Variants in FGF10 observed in about 807,000 individuals in gnomAD.
The protein encoded by FGF10 is fibroblast growth factor 10, also known as FGF-10.
Under a neutral mutation model 19.8 loss-of-function variants are expected in FGF10, and 2 were observed. The observed-to-expected ratio is 0.10, with a 90% CI of 0.04 to 0.32. FGF10 has a LOEUF of 0.32. Among genes scored for constraint, FGF10 ranks in the 10% least tolerant of loss-of-function variants. FGF10 has a pLI of 1.00. For missense variants in FGF10, 191 were observed against 246.3 expected (o/e 0.78, Z 1.50); for synonymous variants, 112 against 94.0 (o/e 1.19, Z -1.10).
chr5:44,331,070 TA>T (rs1740725421), intron 1 of FGF10, among the ~76,000 whole-genome samples: 1 of 152,186 alleles, frequency 6.6e-6, no homozygotes, highest in South Asian at 2.1e-4. Flanking sequence ...AAGCTAATGG[TA>T]AAAGGAGAGA....
Position 44,375,565 on chromosome 5 carries a change from T to C in FGF10, c.325+12793A>G, listed in dbSNP as rs367569791. Among the ~76,000 whole-genome samples, 16 of 152,282 alleles carry C rather than the reference T, an allele frequency of 1.1e-4. No homozygotes were observed. In the South Asian group the frequency reaches 2.1e-3, roughly 20 times the overall value. The stretch of plus-strand genomic sequence containing the variant: ...TGGTAGGGAGTAAATCATGAGGGTC[T>C]TATATGACATGTGAAGGAATATAGA... On this transcript the variant is annotated intron_variant, in intron 1 of 2. Coordinates refer to ENST00000264664, the MANE Select transcript of FGF10 (RefSeq NM_004465.2).
chr5:44,342,567 G>A (rs951503539), intron 1 of FGF10, among the ~76,000 whole-genome samples: 4 of 151,222 alleles, frequency 2.6e-5, no homozygotes, highest in Admixed American at 2.0e-4. Context: ...TTTACTGATT[G>A]CCACGTATAG....
At chr5:44,309,252 C>T (rs969076270) in intron 2 of FGF10, among the ~76,000 whole-genome samples, 6 of 152,088 alleles carry the variant, frequency 3.9e-5, no homozygotes, top group African/African-American at 7.2e-5. Flanking sequence ...ATACACTCCC[C>T]TTCAGTAGAA....
At chr5:44,322,010 G>A (rs1224323187) in intron 1 of FGF10, among the ~76,000 whole-genome samples, 1 of 152,090 alleles carries the variant, frequency 6.6e-6, no homozygotes. Flanking sequence ...TGATCTGCCC[G>A]CCTTAGCCTC....
At chr5:44,325,059 T>C (rs1329165624) in intron 1 of FGF10, among the ~76,000 whole-genome samples, 1 of 152,130 alleles carries the variant, frequency 6.6e-6, no homozygotes, top group Non-Finnish European at 1.5e-5. Flanking sequence ...TCAAATTTAG[T>C]GTCATAATAA....
At chr5:44,360,112 C>T (rs78013137) in intron 1 of FGF10, among the ~76,000 whole-genome samples, 3,353 of 151,498 alleles carry the variant, frequency 0.022, 67 homozygotes, top group Middle Eastern at 0.082. Flanking sequence ...TGGTTCTTGA[C>T]GACAGATTAT....
intron 1 of FGF10, among the ~76,000 whole-genome samples, chr5:44,337,034 T>C (rs1740869715): frequency 6.6e-6 from 1 of 152,132 alleles, no homozygotes; most frequent in South Asian, 2.1e-4. Flanking sequence ...CTATCTTAAA[T>C]AAGATAGAGT....
intron 1 of FGF10, among the ~76,000 whole-genome samples, chr5:44,358,726 A>G (rs1239332723): frequency 6.6e-6 from 1 of 151,494 alleles, no homozygotes; most frequent in African/African-American, 2.4e-5. Flanking sequence ...CAGGCTTGCA[A>G]CATTTCATGA....
At chr5:44,307,439 CAG>C (rs943573643) in intron 2 of FGF10, among the ~76,000 whole-genome samples, 1 of 152,032 alleles carries the variant, frequency 6.6e-6, no homozygotes, top group African/African-American at 2.4e-5. Context: ...CTATTTAATT[CAG>C]TTTTATACTT....
chr5:44,349,404 A>T, intron 1 of FGF10, among the ~76,000 whole-genome samples: 1 of 123,086 alleles, frequency 8.1e-6, no homozygotes, highest in Non-Finnish European at 1.7e-5. Flanking sequence ...TGCCTAAGAA[A>T]ATGGGAAAGC....
At chr5:44,334,422 T>TA (rs1209136586) in intron 1 of FGF10, among the ~76,000 whole-genome samples, 4 of 152,032 alleles carry the variant, frequency 2.6e-5, no homozygotes, top group Non-Finnish European at 5.9e-5. Context: ...CCAGGTCACT[T>TA]AAAAAAAGAA....
chr5:44,345,633 C>CAAAAAAAA (rs199895920), intron 1 of FGF10, among the ~76,000 whole-genome samples: 5 of 134,430 alleles, frequency 3.7e-5, no homozygotes, highest in Non-Finnish European at 4.8e-5. Flanking sequence ...TTTCTCAGCT[C>CAAAAAAAA]AAAAAAAAAA....
chr5:44,367,652 G>T (rs1741650139), intron 1 of FGF10, among the ~76,000 whole-genome samples: 1 of 151,926 alleles, frequency 6.6e-6, no homozygotes. Context: ...GGATTGTTTT[G>T]AGCATTAAGT....
In FGF10 at chr5:44,388,568, C is replaced by G; in HGVS notation, c.115G>C (p.Ala39Pro). ...LVSSVPVTCQ[A>P]LGQDMVSPEA... ...GGTGACACCATGTCCTGACCAAGGG[C>G]TTGGCAGGTGACAGGGACGGAAGAC... is the stretch of plus-strand genomic sequence containing the variant. The change falls in exon 1 of 3, where the codon GCC (alanine) becomes CCC (proline). Residue 39 changes from alanine to proline, a missense_variant. This residue lies in a region of FGF10 where 92 missense variants were observed against 84.6 expected (regional missense o/e 1.09). Coordinates refer to ENST00000264664, the MANE Select transcript of FGF10 (RefSeq NM_004465.2). The G allele has an allele frequency of 6.2e-7, 1 of 1,614,130 alleles. No individual in the cohort carries two copies. The highest frequency in any genetic ancestry group is 8.5e-7 in the Non-Finnish European group (1 of 1,180,042).
intron 1 of FGF10, among the ~76,000 whole-genome samples, chr5:44,313,073 C>T (rs758483028): frequency 5.9e-5 from 9 of 151,954 alleles, no homozygotes; most frequent in Non-Finnish European, 1.0e-4. Flanking sequence ...TTTAGGCAAG[C>T]TTAAAAAGGT....
chr5:44,327,485 A>G (rs1740641212), intron 1 of FGF10, among the ~76,000 whole-genome samples: 1 of 152,178 alleles, frequency 6.6e-6, no homozygotes, highest in Non-Finnish European at 1.5e-5. Context: ...CCTTAACCAC[A>G]AAGTCCAATA....
chr5:44,387,040 C>T (rs1436320355), intron 1 of FGF10, among the ~76,000 whole-genome samples: 1 of 152,086 alleles, frequency 6.6e-6, no homozygotes, highest in Non-Finnish European at 1.5e-5. Context: ...CAAAAATGTC[C>T]CCTTTAAAGG....
At chr5:44,376,335 G>A (rs1036642288) in intron 1 of FGF10, among the ~76,000 whole-genome samples, 8 of 151,568 alleles carry the variant, frequency 5.3e-5, no homozygotes, top group African/African-American at 1.9e-4. Context: ...CAGTAGGGGG[G>A]TGTAGTCGTA....
intron 1 of FGF10, among the ~76,000 whole-genome samples, chr5:44,363,734 G>C (rs776775036): frequency 6.6e-6 from 1 of 151,810 alleles, no homozygotes. Flanking sequence ...CCTGGTATTT[G>C]TCCTATGTCA....
Sources: allele counts gnomAD v4.1 joint callset (sites outside exome capture counted in the v4.1 genomes callset), GRCh38; gene constraint gnomAD v4.1.1; regional missense constraint gnomAD v4.1.1; transcripts MANE v1.5; gene names NCBI Gene and HGNC (gene_info 2026-07-23, HGNC 2026-07-21).